The following CYP19A1 variants were observed in gnomAD, a reference collection of about 807,000 sequenced individuals.
CYP19A1 encodes the protein cytochrome P450 family 19 subfamily A member 1.
CYP19A1 carries 32 observed loss-of-function variants against 44.4 expected under a neutral mutation model. The ratio of observed to expected loss-of-function variants is 0.72; its 90% CI spans 0.54 to 0.97. The LOEUF (loss-of-function observed/expected upper bound fraction) is 0.97. Ranked by LOEUF, CYP19A1 falls within the 50% of genes least tolerant of loss-of-function variation. CYP19A1 has a pLI of 0.00. For missense variants in CYP19A1, 598 were observed against 637.8 expected, an observed-to-expected ratio of 0.94 and a Z score of 0.67; for synonymous variants, 212 against 215.6, an observed-to-expected ratio of 0.98 and a Z score of 0.14.
At chr15:51,243,820 T>A (rs1327419108) in intron 1 of CYP19A1, among the ~76,000 whole-genome samples, 1 of 152,212 alleles carries the variant, frequency 6.6e-6, no homozygotes, top group Non-Finnish European at 1.5e-5. Flanking sequence ...TTCTGCTGTG[T>A]TTTTCAACAT....
chr15:51,271,132 C>T (rs1473638922), intron 1 of CYP19A1, among the ~76,000 whole-genome samples: 9 of 152,016 alleles, frequency 5.9e-5, no homozygotes, highest in African/African-American at 2.2e-4. Context: ...CTTCTCACAT[C>T]TCTGTTCACT....
chr15:51,311,394 A>G (rs1445877645), intron 1 of CYP19A1, among the ~76,000 whole-genome samples: 2 of 152,244 alleles, frequency 1.3e-5, no homozygotes, highest in African/African-American at 2.4e-5. Context: ...TCAGTAGACT[A>G]GAAGGTAGAT....
chr15:51,215,096 A>T lies in CYP19A1; in HGVS notation c.995T>A (p.Ile332Lys). The part of the protein sequence containing the change: ...IAKHPNVEEA[I>K]IKEIQTVIGE... ...AATAACAGTCTGGATTTCCTTTATT[A>T]TTGCCTCTTCAACATTAGGGTGCTT... The change falls in exon 8 of 10, where the codon ATA (isoleucine) becomes AAA (lysine). Residue 332 changes from isoleucine to lysine, a missense_variant. By Grantham distance (102) the Ile-to-Lys change is moderately radical. Coordinates refer to ENST00000396402, the MANE Select transcript of CYP19A1 (RefSeq NM_000103.4). 6.2e-7 allele frequency: 1 copy of T among 1,614,040 alleles called. No individual in the cohort carries two copies. The highest frequency in any genetic ancestry group is 8.5e-7 in the Non-Finnish European group (1 of 1,179,954).
chr15:51,248,644 C>G (rs538955296), intron 1 of CYP19A1, among the ~76,000 whole-genome samples: 13 of 152,268 alleles, frequency 8.5e-5, no homozygotes, highest in African/African-American at 2.6e-4. Flanking sequence ...TCCCAAAGGA[C>G]AGGGATCTGT....
At chr15:51,324,813 C>T (rs2036582625) in intron 1 of CYP19A1, among the ~76,000 whole-genome samples, 1 of 152,066 alleles carries the variant, frequency 6.6e-6, no homozygotes, top group South Asian at 2.1e-4. Context: ...GTTCTAGGGA[C>T]CCTAGGGGTT....
rs1237391807 is a variant in CYP19A1 at position 51,215,563 on chromosome 15, A to C, written c.858+140T>G. 3 of 1,533,046 alleles carry C rather than the reference A, an allele frequency of 2.0e-6. No homozygotes were observed. The African/African-American group carries it at 4.1e-5, about 21-fold the overall frequency. 95.0% of individuals were successfully genotyped at this position (1,533,046 alleles called of 1,614,324 possible). A position where few individuals can be genotyped will look rare whatever the true frequency, so the allele number is the denominator to read the frequency against. On this transcript the variant is annotated intron_variant, in intron 7 of 9. Coordinates refer to ENST00000396402, the MANE Select transcript of CYP19A1 (RefSeq NM_000103.4). ...TACTGAAATATCTAATGTGTGGGCT[A>C]TTTGGATTGGGATTACAGAACTGCT...
At chr15:51,325,588 C>T (rs750662541) in intron 1 of CYP19A1, among the ~76,000 whole-genome samples, 9 of 152,086 alleles carry the variant, frequency 5.9e-5, no homozygotes, top group Non-Finnish European at 1.2e-4. Flanking sequence ...GCCTGTAATC[C>T]CAGCACTTTG....
chr15:51,215,115 G>C lies in CYP19A1; in HGVS notation c.976C>G (p.Pro326Ala). 1 of 1,613,928 alleles carries C rather than the reference G, an allele frequency of 6.2e-7. No individual in the cohort carries two copies. The highest frequency in any genetic ancestry group is 8.5e-7 in the Non-Finnish European group (1 of 1,179,960). ...FFMLFLIAKH[P>A]NVEEAIIKEI... ...TTTATTATTGCCTCTTCAACATTAG[G>C]GTGCTTTGCAATGAGAAATAGCATG... is the stretch of plus-strand genomic sequence containing the variant. Residue 326 changes from proline (P) to alanine (A), a missense_variant, in exon 8 of 10, where the codon CCT becomes GCT. By Grantham distance (27) the Pro-to-Ala change is conservative (BLOSUM62 -1). Transcript: ENST00000396402.
At chr15:51,323,524 T>A (rs1845495807) in intron 1 of CYP19A1, among the ~76,000 whole-genome samples, 1 of 151,924 alleles carries the variant, frequency 6.6e-6, no homozygotes, top group South Asian at 2.1e-4. Flanking sequence ...CCATGTGGTC[T>A]TGGGAAATTT....
At chr15:51,260,795 G>A (rs1015416094) in intron 1 of CYP19A1, among the ~76,000 whole-genome samples, 1 of 152,226 alleles carries the variant, frequency 6.6e-6, no homozygotes, top group Non-Finnish European at 1.5e-5. Flanking sequence ...TGAGAGCACA[G>A]AGGGAGGGAC....
At chr15:51,240,952 A>G (rs2033724139) in intron 2 of CYP19A1, among the ~76,000 whole-genome samples, 1 of 152,222 alleles carries the variant, frequency 6.6e-6, no homozygotes, top group African/African-American at 2.4e-5. Flanking sequence ...TGTCAAATGA[A>G]GGAGTTAGGC....
chr15:51,280,763 G>T (rs1003916552), intron 1 of CYP19A1, among the ~76,000 whole-genome samples: 1 of 152,210 alleles, frequency 6.6e-6, no homozygotes, highest in African/African-American at 2.4e-5. Flanking sequence ...TTTTGGTACA[G>T]CTGTAACTGT....
chr15:51,232,496 C>T (rs2033106787), intron 3 of CYP19A1, among the ~76,000 whole-genome samples: 1 of 152,228 alleles, frequency 6.6e-6, no homozygotes, highest in African/African-American at 2.4e-5. Context: ...TCTACTCAAT[C>T]ATCCCACTCA....
At chr15:51,268,525 C>A (rs1017067465) in intron 1 of CYP19A1, among the ~76,000 whole-genome samples, 15 of 140,390 alleles carry the variant, frequency 1.1e-4, no homozygotes, top group Non-Finnish European at 2.4e-4. Context: ...TCCTTCCCCC[C>A]CCCCCTTTTT....
At chr15:51,281,798 C>T (rs2035528233) in intron 1 of CYP19A1, among the ~76,000 whole-genome samples, 1 of 152,056 alleles carries the variant, frequency 6.6e-6, no homozygotes, top group African/African-American at 2.4e-5. Context: ...GTAAAGGGTA[C>T]ACTGACTTCC....
At chr15:51,260,708 G>C (rs1438007596) in intron 1 of CYP19A1, among the ~76,000 whole-genome samples, 1 of 152,158 alleles carries the variant, frequency 6.6e-6, no homozygotes, top group Non-Finnish European at 1.5e-5. Flanking sequence ...CGGCCAATCA[G>C]GTAGTAAAGA....
At chr15:51,272,260 C>G (rs2035153956) in intron 1 of CYP19A1, among the ~76,000 whole-genome samples, 1 of 152,190 alleles carries the variant, frequency 6.6e-6, no homozygotes, top group Admixed American at 6.5e-5. Context: ...CTGAGTAAAT[C>G]TCTTGTGTGC....
At chr15:51,257,180 T>C (rs1445277713) in intron 1 of CYP19A1, among the ~76,000 whole-genome samples, 2 of 152,244 alleles carry the variant, frequency 1.3e-5, no homozygotes, top group African/African-American at 4.8e-5. Context: ...AGTGCCAAAC[T>C]TCACCTTATT....
intron 1 of CYP19A1, among the ~76,000 whole-genome samples, chr15:51,327,698 T>C (rs748668063): frequency 1.3e-5 from 2 of 152,154 alleles, no homozygotes; most frequent in Non-Finnish European, 2.9e-5. Context: ...GTTGAAATAG[T>C]GGCTCTCTGC....
Sources: allele counts gnomAD v4.1 joint callset (sites outside exome capture counted in the v4.1 genomes callset), GRCh38; gene constraint gnomAD v4.1.1; transcripts MANE v1.5; gene names NCBI Gene and HGNC (gene_info 2026-07-23, HGNC 2026-07-21).